Variants in PPFIA1 observed in about 807,000 individuals in gnomAD.
PPFIA1 encodes the protein PPFI scaffold protein A1, also known as liprin-alpha-1.
In PPFIA1, 25 loss-of-function variants were observed where a neutral mutation model predicts 149.9. The ratio of observed to expected loss-of-function variants is 0.17; its 90% CI spans 0.12 to 0.23. PPFIA1 has a LOEUF of 0.23. Ranked by LOEUF, PPFIA1 falls within the 10% of genes least tolerant of loss-of-function variation. The pLI, the probability that PPFIA1 is intolerant of heterozygous loss-of-function variation, is 1.00. For synonymous variants in PPFIA1, 549 were observed against 552.8 expected (o/e 0.99, Z 0.10); for missense variants, 1,362 against 1,506.5 (o/e 0.90, Z 1.59).
chr11:70,335,533 G>T (rs367978700), intron 10 of PPFIA1, 30 bp from the exon 11 acceptor site: 1 of 1,610,188 alleles, frequency 6.2e-7, no homozygotes, highest in Non-Finnish European at 8.5e-7. Context: ...TTTACGTGAG[G>T]TTTATAAGAC....
At chr11:70,357,833 C>T (rs925753252) in intron 19 of PPFIA1, among the ~76,000 whole-genome samples, 10 of 152,100 alleles carry the variant, frequency 6.6e-5, no homozygotes, top group East Asian at 3.9e-4. Flanking sequence ...GTGATCTGCC[C>T]GCCTCAGCCT....
At chr11:70,283,805 G>A (rs371596268) in intron 2 of PPFIA1, 23 of 378,048 alleles carry the variant, frequency 6.1e-5, no homozygotes, top group African/African-American at 2.1e-4. Context: ...AAGAGGAGAC[G>A]CTGGTGTTTG....
At chr11:70,362,231 T>C in intron 20 of PPFIA1, 55 bp downstream of exon 20, 1 of 1,613,172 alleles carries the variant, frequency 6.2e-7, no homozygotes, top group Non-Finnish European at 8.5e-7. Flanking sequence ...GAACTTACTG[T>C]TCTACTTTGT....
chr11:70,347,150 A>G (rs1283274940), intron 15 of PPFIA1, among the ~76,000 whole-genome samples: 1 of 152,202 alleles, frequency 6.6e-6, no homozygotes, highest in Non-Finnish European at 1.5e-5. Context: ...TGTTCTTTAT[A>G]TTAGAGTTCC....
At chr11:70,380,411 C>CA (rs1183784440) in intron 26 of PPFIA1, among the ~76,000 whole-genome samples, 1,953 of 113,038 alleles carry the variant, frequency 0.017, 31 homozygotes, top group Middle Eastern at 0.033. Context: ...ACTAAAAATA[C>CA]AAAAAAAAAA....
intron 1 of PPFIA1, 116 bp downstream of exon 1, chr11:70,271,030 G>A (rs1008622534): frequency 2.0e-5 from 3 of 152,040 alleles, no homozygotes; most frequent in East Asian, 1.9e-4. Flanking sequence ...TGCGCTCCGG[G>A]ACGGGTGGGG....
intron 21 of PPFIA1, among the ~76,000 whole-genome samples, chr11:70,370,390 A>AT (rs1382558652): frequency 2.0e-5 from 3 of 148,780 alleles, no homozygotes; most frequent in East Asian, 4.1e-4. Context: ...TTAAGTTTTA[A>AT]TTTTTTTTAA....
rs373334245 is a variant in PPFIA1, at chr11:70,283,906, T to C, written c.264+11470T>C. 1.1e-3 allele frequency: 513 copies of C among 475,928 alleles called. 1 individual carries two copies. The highest frequency in any genetic ancestry group is 9.6e-3 in the African/African-American group (486 of 50,432). 29.5% of individuals were successfully genotyped at this position (475,928 alleles called of 1,614,324 possible). On this transcript the variant is annotated intron_variant, in intron 2 of 27. Coordinates refer to ENST00000253925, the MANE Select transcript of PPFIA1 (RefSeq NM_003626.5). ...GGAGCCCCCTCAACAAAGAATTATC[T>C]GGCCCCAAATGTTGGAAGTGTCCAG...
At chr11:70,377,317 A>C (rs192021329) in intron 25 of PPFIA1, among the ~76,000 whole-genome samples, 11 of 152,248 alleles carry the variant, frequency 7.2e-5, no homozygotes, top group South Asian at 2.1e-4. Flanking sequence ...CATGTTTCAG[A>C]AGTATATTAA....
At chr11:70,295,855 G>A (rs1388669657) in intron 2 of PPFIA1, among the ~76,000 whole-genome samples, 1 of 151,662 alleles carries the variant, frequency 6.6e-6, no homozygotes, top group East Asian at 2.0e-4. Context: ...CGGGGTGGCT[G>A]CTGGGCGGAG....
intron 8 of PPFIA1, among the ~76,000 whole-genome samples, chr11:70,331,651 A>G (rs2054670721): frequency 1.3e-5 from 2 of 151,920 alleles, no homozygotes; most frequent in African/African-American, 4.8e-5. Flanking sequence ...CTGGTGGCAC[A>G]TGCCTGTAAT....
At position 70,345,928 on chromosome 11, in the gene PPFIA1, G is replaced by C. The variant is rs754323282; in HGVS notation, c.1931+2036G>C. The C allele has an allele frequency of 4.4e-4, 192 of 431,568 alleles. 1 individual carries two copies. Among genetic ancestry groups the C allele is most frequent in the Middle Eastern group, 3.4e-4 (1 of 2,964 alleles). 26.7% of individuals were successfully genotyped at this position (431,568 alleles called of 1,614,324 possible). On this transcript the variant is annotated intron_variant, in intron 15 of 27. Transcript: ENST00000253925. ...CAGTGGCCTGGTACAGAACACTGGA[G>C]CTCTTCAGGAGTGCACGGCTCCACT...
At chr11:70,375,146 T>TA in intron 24 of PPFIA1, 53 bp downstream of exon 24, 1 of 1,066,826 alleles carries the variant, frequency 9.4e-7, no homozygotes, top group Non-Finnish European at 1.2e-6. Flanking sequence ...GCACCCTGAT[T>TA]ATAGACAGCT....
chr11:70,324,647 C>T (rs2054159019), intron 3 of PPFIA1, 144 bp downstream of exon 3: 1 of 870,958 alleles, frequency 1.1e-6, no homozygotes, highest in Non-Finnish European at 1.8e-6. Flanking sequence ...TGTGATTAGT[C>T]AGCATGATCA....
intron 16 of PPFIA1, among the ~76,000 whole-genome samples, chr11:70,352,848 G>A (rs985113558): frequency 3.9e-5 from 6 of 151,902 alleles, no homozygotes; most frequent in African/African-American, 1.5e-4. Context: ...GGGATGAGGA[G>A]GGCAGCGCTG....
intron 26 of PPFIA1, among the ~76,000 whole-genome samples, 159 bp from the exon 27 acceptor site, chr11:70,381,929 T>C (rs1001908572): frequency 6.6e-6 from 1 of 151,596 alleles, no homozygotes; most frequent in Non-Finnish European, 1.5e-5. Flanking sequence ...CACTTGGATC[T>C]CTCTGGCTCC....
chr11:70,376,252 G>T (rs1035868447), intron 24 of PPFIA1, among the ~76,000 whole-genome samples: 2 of 152,118 alleles, frequency 1.3e-5, no homozygotes, highest in Non-Finnish European at 2.9e-5. Context: ...GCCTCCCAAA[G>T]TACTGGGATT....
intron 8 of PPFIA1, 140 bp from the exon 9 acceptor site, chr11:70,331,820 C>T: frequency 1.1e-6 from 1 of 941,876 alleles, no homozygotes; most frequent in East Asian, 2.9e-5. Flanking sequence ...AAAAACCTGA[C>T]CCAGAAGCAA....
At chr11:70,338,290 G>C (rs1384076748) in intron 12 of PPFIA1, 84 bp from the exon 13 acceptor site, 5 of 1,107,680 alleles carry the variant, frequency 4.5e-6, no homozygotes, top group Non-Finnish European at 6.8e-6. Flanking sequence ...TTAGGGTTAT[G>C]CCCAACATCT....
Sources: allele counts gnomAD v4.1 joint callset (sites outside exome capture counted in the v4.1 genomes callset), GRCh38; gene constraint gnomAD v4.1.1; transcripts MANE v1.5; gene names NCBI Gene and HGNC (gene_info 2026-07-23, HGNC 2026-07-21).